The following SRSF11 variants were observed in gnomAD, a reference collection of about 807,000 sequenced individuals.
SRSF11 encodes the protein serine/arginine-rich splicing factor 11.
A neutral mutation model predicts 56.0 loss-of-function variants in SRSF11; 9 were observed. The ratio of observed to expected loss-of-function variants is 0.16; its 90% CI spans 0.10 to 0.28. The LOEUF is 0.28. Among genes scored for constraint, SRSF11 ranks in the 10% least tolerant of loss-of-function variants. The probability of loss-of-function intolerance (pLI) is 1.00; values close to 1 mark genes in which losing one functional copy is unlikely to be tolerated. For missense variants in SRSF11, 421 were observed against 600.7 expected (o/e 0.70, Z 3.13); for synonymous variants, 222 against 215.3 (o/e 1.03, Z -0.27).
intron 1 of SRSF11, chr1:70,222,896 A>T (rs898897508): frequency 6.6e-6 from 1 of 152,202 alleles, no homozygotes; most frequent in Non-Finnish European, 1.5e-5. Flanking sequence ...ATCACTTTCC[A>T]CTTAAAATAC....
intron 1 of SRSF11, among the ~76,000 whole-genome samples, chr1:70,224,047 A>G (rs1388293658): frequency 6.6e-6 from 1 of 152,204 alleles, no homozygotes; most frequent in Non-Finnish European, 1.5e-5. Flanking sequence ...TAAACAGTAC[A>G]GTATAGCAAC....
In SRSF11 at chr1:70,221,398, G is replaced by A; in HGVS notation, c.-239G>A. ...GCCCGCTAGTGTCGTGGTTGGAGGC[G>A]AGGTGGGGCGGCCGTTTGTTTTCTC... On this transcript the variant is annotated 5_prime_UTR_variant, in exon 1 of 12. Transcript: ENST00000370949. 1.9e-6 allele frequency: 1 copy of A among 531,792 alleles called. No homozygotes were observed. The allele number at this position is 531,792 out of a possible 1,614,324, so 32.9% of individuals were successfully genotyped here.
chr1:70,227,670 T>C (rs1672090587), intron 1 of SRSF11, among the ~76,000 whole-genome samples: 1 of 152,216 alleles, frequency 6.6e-6, no homozygotes, highest in African/African-American at 2.4e-5. Flanking sequence ...AAAAAAACCC[T>C]GCTTCCTGTG....
At chr1:70,222,555 A>T (rs1670892295) in intron 1 of SRSF11, among the ~76,000 whole-genome samples, 1 of 152,186 alleles carries the variant, frequency 6.6e-6, no homozygotes, top group South Asian at 2.1e-4. Flanking sequence ...TTTCTATCGC[A>T]AGAATATTAA....
chr1:70,214,469 T>C (rs1669827482), intron 1 of SRSF11, among the ~76,000 whole-genome samples: 1 of 152,188 alleles, frequency 6.6e-6, no homozygotes, highest in Non-Finnish European at 1.5e-5. Context: ...ACTACTTTTT[T>C]CCTCTATTTA....
Position 70,246,175 on chromosome 1 carries a change from G to A in SRSF11, c.933-643G>A, listed in dbSNP as rs533823997. 3.6e-4 allele frequency among the ~76,000 whole-genome samples: 54 copies of A among 151,932 alleles called. No individual in the cohort carries two copies. In the South Asian group the frequency reaches 0.011, roughly 30 times the overall value. ...ACTTCTCATTCAACAAATATATATC[G>A]TTTATCTACTCTTTGCTTAGAGTCT... On this transcript the variant is annotated intron_variant, in intron 8 of 11. Coordinates refer to ENST00000370949, the MANE Select transcript of SRSF11 (RefSeq NM_001350605.2).
In SRSF11 at chr1:70,214,087, C is replaced by T. The variant is rs148824929; in HGVS notation, c.-25-7525C>T. Among the ~76,000 whole-genome samples, 698 of 152,210 alleles carry T rather than the reference C, an allele frequency of 4.6e-3. 3 individuals are homozygous for T. Among genetic ancestry groups the T allele is most frequent in the Non-Finnish European group, 7.9e-3 (540 of 68,012 alleles). On this transcript the variant is annotated intron_variant, in intron 1 of 12. Coordinates refer to the SRSF11 transcript ENST00000370950. ...AAAAAACATAAAAGGTCAAATGGTG[C>T]ATATGTTTAATTCCTTGATTACGAA...
At chr1:70,238,725 G>C (rs776808615) in intron 6 of SRSF11, among the ~76,000 whole-genome samples, 3 of 152,166 alleles carry the variant, frequency 2.0e-5, no homozygotes, top group Non-Finnish European at 2.9e-5. Context: ...TATTGAGTCT[G>C]TGAAGAATCA....
chr1:70,237,067 G>A (rs975365930), intron 5 of SRSF11, among the ~76,000 whole-genome samples: 11 of 151,870 alleles, frequency 7.2e-5, no homozygotes, highest in Non-Finnish European at 1.3e-4. Context: ...GATTACAGGC[G>A]TGAGCCACCA....
At chr1:70,250,559 A>C in intron 11 of SRSF11, 49 bp from the exon 12 acceptor site, 1 of 1,608,860 alleles carries the variant, frequency 6.2e-7, no homozygotes, top group South Asian at 1.1e-5. Flanking sequence ...TACTTTCAGA[A>C]GTTATTTTTC....
intron 1 of SRSF11, among the ~76,000 whole-genome samples, chr1:70,227,367 T>C (rs1199290247): frequency 6.6e-6 from 1 of 152,146 alleles, no homozygotes; most frequent in Admixed American, 6.5e-5. Context: ...GATGTTAAAA[T>C]GAAGTAGTTT....
At chr1:70,248,813 G>A (rs1677325278) in intron 9 of SRSF11, 1 of 152,094 alleles carries the variant, frequency 6.6e-6, no homozygotes, top group Non-Finnish European at 1.5e-5. Flanking sequence ...TGAAGGACAC[G>A]GAAATGTAAT....
chr1:70,225,502 C>T (rs1449951692), intron 1 of SRSF11, among the ~76,000 whole-genome samples: 26 of 152,140 alleles, frequency 1.7e-4, no homozygotes, highest in Admixed American at 1.7e-3. Context: ...CTCCACTTAG[C>T]ACACTATTAA....
At chr1:70,222,607 AAGT>A (rs1670901556) in intron 1 of SRSF11, among the ~76,000 whole-genome samples, 1 of 152,224 alleles carries the variant, frequency 6.6e-6, no homozygotes, top group South Asian at 2.1e-4. Flanking sequence ...AGAAGCTAAG[AAGT>A]AAGATAAAGT....
At chr1:70,210,040 C>G (rs1451960413) in intron 1 of SRSF11, among the ~76,000 whole-genome samples, 3 of 151,876 alleles carry the variant, frequency 2.0e-5, no homozygotes, top group Non-Finnish European at 4.4e-5. Context: ...AGTGCATTGT[C>G]TTTGGAATAA....
chr1:70,230,859 A>G (rs1672726579), intron 2 of SRSF11: 1 of 1,175,374 alleles, frequency 8.5e-7, no homozygotes, highest in South Asian at 1.7e-5. Flanking sequence ...AAATTATCCC[A>G]TAATCTTTGT....
intron 2 of SRSF11, chr1:70,228,810 T>C (rs1440673356): frequency 4.4e-6 from 5 of 1,137,326 alleles, no homozygotes; most frequent in Non-Finnish European, 5.4e-6. Flanking sequence ...ATGTCCCTTA[T>C]TGTAACTCCC....
At chr1:70,250,267 T>C (rs1197448692) in intron 10 of SRSF11, 98 bp from the exon 11 acceptor site, 1 of 1,536,308 alleles carries the variant, frequency 6.5e-7, no homozygotes, top group East Asian at 2.3e-5. Flanking sequence ...GGTTTTGAAG[T>C]TGGATCTTTG....
At chr1:70,232,087 G>T (rs1672940369) in intron 2 of SRSF11, 181 bp from the exon 3 acceptor site, 1 of 1,542,602 alleles carries the variant, frequency 6.5e-7, no homozygotes, top group Non-Finnish European at 8.7e-7. Flanking sequence ...TTCACACATT[G>T]AAGTTCATTC....
Sources: gnomAD v4.1 joint callset for allele counts (sites outside exome capture counted in the v4.1 genomes callset) on GRCh38, gnomAD v4.1.1 for gene constraint, MANE v1.5 for transcripts, NCBI Gene and HGNC (gene_info 2026-07-23, HGNC 2026-07-21) for gene names.